Variants in LRRC8A observed in about 807,000 individuals in gnomAD.
The protein encoded by LRRC8A is leucine rich repeat containing 8 VRAC subunit A, also known as volume-regulated anion channel subunit LRRC8A.
LRRC8A carries 24 observed loss-of-function variants against 52.5 expected under a neutral mutation model. That is an observed-to-expected ratio of 0.46 (90% CI 0.33 to 0.64). The LOEUF is 0.64. Ranked by LOEUF, LRRC8A falls within the 30% of genes least tolerant of loss-of-function variation. The probability of loss-of-function intolerance (pLI) is 0.02; values close to 1 mark genes in which losing one functional copy is unlikely to be tolerated. For missense variants in LRRC8A, 677 were observed against 1,094.7 expected (o/e 0.62, Z 5.38); for synonymous variants, 492 against 494.2 (o/e 1.00, Z 0.06).
At chr9:128,906,665 C>A (rs1473249437) in intron 2 of LRRC8A, among the ~76,000 whole-genome samples, 4 of 152,098 alleles carry the variant, frequency 2.6e-5, no homozygotes, top group African/African-American at 9.7e-5. Flanking sequence ...CATGTTGTGC[C>A]CCCTCTGCAT....
chr9:128,907,442 G>A lies in LRRC8A; in HGVS notation c.278G>A (p.Gly93Asp). 6.2e-7 allele frequency: 1 copy of A among 1,613,560 alleles called. No individual in the cohort carries two copies. The highest frequency in any genetic ancestry group is 1.1e-5 in the South Asian group (1 of 91,076). ...ACCATTCTGCCGACCCCTGACACGGGCCCCACAGGCATCAAGTATGACCTG... is the reference window on the plus strand; with the variant it reads ...ACCATTCTGCCGACCCCTGACACGGACCCCACAGGCATCAAGTATGACCTG... ...NSTILPTPDT[G>D]PTGIKYDLDR... Residue 93 changes from glycine (G) to aspartate (D), a missense_variant, in exon 3 of 4, where the codon GGC becomes GAC. By Grantham distance (94) the Gly-to-Asp change is moderately conservative. Around this residue, in one of 4 missense-constraint regions of LRRC8A, gnomAD observed 54 missense variants for 49.7 expected, o/e 1.09. Coordinates refer to ENST00000372600, the MANE Select transcript of LRRC8A (RefSeq NM_019594.4). The surrounding 1 kb of genome is among the most constrained non-coding windows in gnomAD (Gnocchi z 9.3).
rs144667735 is a variant in LRRC8A at position 128,907,608 on chromosome 9, C to T, written c.444C>T (p.Arg148=). The T allele has an allele frequency of 6.8e-6, 11 of 1,614,188 alleles. No individual in the cohort carries two copies. The highest frequency in any genetic ancestry group is 8.5e-6 in the Non-Finnish European group (10 of 1,180,050). The change falls in exon 3 of 4, where the codon CGC becomes CGT. Residue 148 remains arginine, a synonymous_variant. Transcript: ENST00000372600. The surrounding 1 kb of genome is among the most constrained non-coding windows in gnomAD (Gnocchi z 9.3). ...ACSNFWFKFP[R]TSSKLEHFVS... Reference sequence around the variant, plus strand: ...GCAACTTCTGGTTCAAATTCCCGCGCACCAGCTCGAAGCTGGAGCACTTTG... The same window carrying T: ...GCAACTTCTGGTTCAAATTCCCGCGTACCAGCTCGAAGCTGGAGCACTTTG...
chr9:128,896,077 C>T (rs1160849508), intron 2 of LRRC8A, among the ~76,000 whole-genome samples: 1 of 152,212 alleles, frequency 6.6e-6, no homozygotes, highest in Non-Finnish European at 1.5e-5. Context: ...TTTCTTCCCT[C>T]CCTAGATACA....
At chr9:128,883,250 G>A (rs1374792212) in intron 1 of LRRC8A, among the ~76,000 whole-genome samples, 1 of 152,172 alleles carries the variant, frequency 6.6e-6, no homozygotes, top group African/African-American at 2.4e-5. Flanking sequence ...GTAAGAGGAA[G>A]GGAACTGGGG....
At chr9:128,900,463 C>A (rs1035274577) in intron 2 of LRRC8A, among the ~76,000 whole-genome samples, 1 of 152,166 alleles carries the variant, frequency 6.6e-6, no homozygotes, top group Admixed American at 6.5e-5. Flanking sequence ...AATCCCAGCA[C>A]TTTGGGAAGC....
At chr9:128,898,768 C>T (rs1270645092) in intron 2 of LRRC8A, among the ~76,000 whole-genome samples, 1 of 152,270 alleles carries the variant, frequency 6.6e-6, no homozygotes, top group Non-Finnish European at 1.5e-5. Context: ...TGGCCCTGGC[C>T]CGGCCCTTGC....
chr9:128,895,798 C>G (rs1297443546), intron 2 of LRRC8A, among the ~76,000 whole-genome samples: 1 of 152,318 alleles, frequency 6.6e-6, no homozygotes, highest in Admixed American at 6.5e-5. Context: ...TGCTGCTCCC[C>G]GCTGAGCCTT....
intron 2 of LRRC8A, among the ~76,000 whole-genome samples, chr9:128,904,003 G>A (rs1840136271): frequency 6.6e-6 from 1 of 152,018 alleles, no homozygotes; most frequent in Non-Finnish European, 1.5e-5. Flanking sequence ...ACCCCAGCCT[G>A]GGTGACAGAG....
rs201077977 is a variant in LRRC8A at position 128,909,183 on chromosome 9, G to A, written c.2019G>A (p.Lys673=). The change falls in exon 3 of 4, where the codon AAG becomes AAA. Residue 673 remains lysine (K), a synonymous_variant. Transcript: ENST00000372600. ...AGCGCCTCTACCTGAACCGCAACAA[G>A]ATCGAGAAGATCCCCACCCAGCTCT... ...NLERLYLNRN[K]IEKIPTQLFY... 6.2e-7 allele frequency: 1 copy of A among 1,614,146 alleles called. No individual in the cohort carries two copies. Among genetic ancestry groups the A allele is most frequent in the East Asian group, 2.2e-5 (1 of 44,882 alleles).
rs1227126243 is a variant in LRRC8A at position 128,899,278 on chromosome 9, G to T, written c.-8-7879G>T. On this transcript the variant is annotated intron_variant, in intron 2 of 3. Coordinates refer to ENST00000372600, the MANE Select transcript of LRRC8A (RefSeq NM_019594.4). This position sits in a 1 kb window ranked among gnomAD's most constrained non-coding sequence, Gnocchi z 4.0. The stretch of plus-strand genomic sequence containing the variant: ...CCGAGCACAGGGAGGATAAGCAAGG[G>T]CACTTTCCGTAAGGCAGAGATAGCC... Among the ~76,000 whole-genome samples, 1 of 152,172 alleles carries T rather than the reference G, an allele frequency of 6.6e-6. No individual in the cohort carries two copies. The highest frequency in any genetic ancestry group is 1.5e-5 in the Non-Finnish European group (1 of 68,020).
At chr9:128,905,640 C>T (rs930398324) in intron 2 of LRRC8A, among the ~76,000 whole-genome samples, 3 of 152,116 alleles carry the variant, frequency 2.0e-5, no homozygotes, top group East Asian at 3.9e-4. Context: ...GTAAAGGGAT[C>T]GAGACCATCC....
Position 128,917,426 on chromosome 9 carries a change from A to G in LRRC8A, c.*1055A>G, listed in dbSNP as rs1360483721. On this transcript the variant is annotated 3_prime_UTR_variant, in exon 4 of 4. Coordinates refer to ENST00000372600, the MANE Select transcript of LRRC8A (RefSeq NM_019594.4). ...TCTGGAGCTGCCAAGGAGGGAGGAG[A>G]CTCGGGTTGGCTAATCCCCGGATGA... is the stretch of plus-strand genomic sequence containing the variant. 6.6e-6 allele frequency: 1 copy of G among 151,528 alleles called. No homozygotes were observed. Among genetic ancestry groups the G allele is most frequent in the Non-Finnish European group, 1.5e-5 (1 of 67,802 alleles). The allele number at this position is 151,528 out of a possible 1,614,324, so 9.4% of individuals were successfully genotyped here.
intron 2 of LRRC8A, among the ~76,000 whole-genome samples, chr9:128,901,470 A>AT (rs1840023211): frequency 1.3e-5 from 2 of 151,374 alleles, no homozygotes; most frequent in Non-Finnish European, 1.5e-5. Context: ...CAAAAAAAAA[A>AT]TTTTTTTTTA....
rs761348206 is a variant in LRRC8A, at chr9:128,916,309, T to C, written c.2371T>C (p.Phe791Leu). 1.9e-6 allele frequency: 3 copies of C among 1,612,916 alleles called. No homozygotes were observed. The highest frequency in any genetic ancestry group is 2.2e-5 in the East Asian group (1 of 44,872). Residue 791 changes from phenylalanine to leucine, a missense_variant, in exon 4 of 4, where the codon TTC becomes CTC. This residue lies in a region of LRRC8A where 169 missense variants were observed against 217.6 expected (regional missense o/e 0.78). Coordinates refer to ENST00000372600, the MANE Select transcript of LRRC8A (RefSeq NM_019594.4). The surrounding 1 kb of genome is among the most constrained non-coding windows in gnomAD (Gnocchi z 6.1). ...RSGLVVEEDL[F>L]NTLPPEVKER... ...CGGCTTGGTGGTGGAGGAGGACCTGTTCAACACACTGCCACCCGAGGTGAA... is the reference window on the plus strand; with the variant it reads ...CGGCTTGGTGGTGGAGGAGGACCTGCTCAACACACTGCCACCCGAGGTGAA...
intron 3 of LRRC8A, 114 bp from the exon 4 acceptor site, chr9:128,915,982 G>C: frequency 7.7e-7 from 1 of 1,293,478 alleles, no homozygotes. Context: ...CTGATGCTGG[G>C]GGCCTGGGGA....
rs527576694 is a variant in LRRC8A, at chr9:128,892,920, G to A, written c.-9+6799G>A. Among the ~76,000 whole-genome samples, 1 of 152,288 alleles carries A rather than the reference G, an allele frequency of 6.6e-6. No individual in the cohort carries two copies. The highest frequency in any genetic ancestry group is 1.5e-5 in the Non-Finnish European group (1 of 68,026). ...AGCCTTGTTTGTGCTTTCACAAAAG[G>A]CTCTCTGTGCCCTGTTTACCCGCAG... On this transcript the variant is annotated intron_variant, in intron 2 of 3. Coordinates refer to ENST00000372600, the MANE Select transcript of LRRC8A (RefSeq NM_019594.4). The surrounding 1 kb of genome is among the most constrained non-coding windows in gnomAD (Gnocchi z 5.2).
intron 2 of LRRC8A, among the ~76,000 whole-genome samples, chr9:128,904,013 GTGAGAC>G (rs1286204056): frequency 6.6e-6 from 1 of 151,756 alleles, no homozygotes; most frequent in Non-Finnish European, 1.5e-5. Context: ...GGGTGACAGA[GTGAGAC>G]TGTCTCAAAA....
In LRRC8A at chr9:128,909,393, G is replaced by A. The variant is rs1374385799; in HGVS notation, c.2157+72G>A. 1.0e-5 allele frequency: 15 copies of A among 1,441,118 alleles called. 1 individual carries two copies. Among genetic ancestry groups the A allele is most frequent in the South Asian group, 4.8e-5 (4 of 82,516 alleles). The allele number at this position is 1,441,118 out of a possible 1,614,324, so 89.3% of individuals were successfully genotyped here. A position where few individuals can be genotyped will look rare whatever the true frequency, so the allele number is the denominator to read the frequency against. The stretch of plus-strand genomic sequence containing the variant: ...GGCCAGGGCTTGTGGTGGGGCACTC[G>A]GCAGGCTCAGTGTCCTGGGACCGTC... On this transcript the variant is annotated intron_variant, in intron 3 of 3. Coordinates refer to ENST00000372600, the MANE Select transcript of LRRC8A (RefSeq NM_019594.4).
intron 3 of LRRC8A, among the ~76,000 whole-genome samples, chr9:128,914,318 C>T (rs963288658): frequency 2.0e-5 from 3 of 152,022 alleles, no homozygotes; most frequent in Non-Finnish European, 4.4e-5. Context: ...TCTCTAAACG[C>T]GGCTGGAGAG....
Sources: gnomAD v4.1 joint callset for allele counts (sites outside exome capture counted in the v4.1 genomes callset) on GRCh38, gnomAD v4.1.1 for gene constraint, gnomAD v4.1.1 regional missense constraint, Gnocchi (gnomAD v3.1) non-coding constraint, MANE v1.5 for transcripts, NCBI Gene and HGNC (gene_info 2026-07-23, HGNC 2026-07-21) for gene names.